ANKZF1: variants seen among roughly 807,000 people sequenced by gnomAD.
ANKZF1 encodes the protein tRNA endonuclease ANKZF1.
ANKZF1 carries 84 observed loss-of-function variants against 86.0 expected under a neutral mutation model. The observed-to-expected ratio is 0.98, with a 90% confidence interval of 0.82 to 1.17. ANKZF1 has a LOEUF of 1.17. ANKZF1 is among the 50% of genes most tolerant of loss of function. ANKZF1 has a pLI of 0.00. For synonymous variants in ANKZF1, 331 were observed against 354.2 expected (o/e 0.93, Z 0.74); for missense variants, 893 against 918.4 (o/e 0.97, Z 0.36).
In ANKZF1 at chr2:219,235,207, C is replaced by A; in HGVS notation, c.1586C>A (p.Ala529Asp). The A allele has an allele frequency of 3.1e-6, 5 of 1,613,968 alleles. No individual in the cohort carries two copies. The highest frequency in any genetic ancestry group is 4.2e-6 in the Non-Finnish European group (5 of 1,180,046). Residue 529 changes from alanine to aspartate, a missense_variant, in exon 10 of 14, where the codon GCC becomes GAC. Coordinates refer to ENST00000323348, the MANE Select transcript of ANKZF1 (RefSeq NM_018089.3). ...CCTAGAGTTCTGTCTCTGCTCAGTGCCCCCTTGGGCTCCGGTGGCTTTACT... is the reference window on the plus strand; with the variant it reads ...CCTAGAGTTCTGTCTCTGCTCAGTGACCCCTTGGGCTCCGGTGGCTTTACT... ...ADPRVLSLLS[A>D]PLGSGGFTLL...
chr2:219,234,248 AAAGG>A lies in ANKZF1; in HGVS notation c.1168_1171del (p.Glu390ArgfsTer23), dbSNP rs1329850306. 6.2e-7 allele frequency: 1 copy of A among 1,614,002 alleles called. No homozygotes were observed. The highest frequency in any genetic ancestry group is 8.5e-7 in the Non-Finnish European group (1 of 1,180,036). The stretch of plus-strand genomic sequence containing the variant: ...AAATAAGAAAGATCTGCAGGGATGA[AAAGG>A]AAGCGCTGGGGCAGAATGAGGAATC... On this transcript the variant is annotated frameshift_variant, in exon 9 of 14. Coordinates refer to ENST00000323348, the MANE Select transcript of ANKZF1 (RefSeq NM_018089.3). LOFTEE classifies it high-confidence loss of function.
intron 3 of ANKZF1, 102 bp downstream of exon 3, chr2:219,232,142 C>T (rs537405235): frequency 2.8e-6 from 4 of 1,410,396 alleles, no homozygotes; most frequent in Non-Finnish European, 3.9e-6. Context: ...CATGCTTTGA[C>T]TGAGGCAGTT....
At position 219,231,947 on chromosome 2, in the gene ANKZF1, C is replaced by G; in HGVS notation, c.168C>G (p.Ser56Arg). The G allele has an allele frequency of 6.2e-7, 1 of 1,613,858 alleles. No homozygotes were observed. The highest frequency in any genetic ancestry group is 8.5e-7 in the Non-Finnish European group (1 of 1,179,944). ...ATTTAGGCTCAGGGGAGAGAGAAAG[C>G]CCAGAAAGAAAGCTACTCCAGGGTC... is the stretch of plus-strand genomic sequence containing the variant. ...TSCSGSGERE[S>R]PERKLLQGPM... Residue 56 changes from serine to arginine, a missense_variant, in exon 3 of 14, where the codon AGC (serine) becomes AGG (arginine). Physicochemically the swap from Ser to Arg is moderately radical, Grantham distance 110. Transcript: ENST00000323348.
chr2:219,234,608 A>C (rs1388486837), intron 9 of ANKZF1: 1 of 686,698 alleles, frequency 1.5e-6, no homozygotes, highest in Non-Finnish European at 2.4e-6. Context: ...ATTGTGCGGC[A>C]CCCTAAGGCT....
rs763692863 is a variant in ANKZF1 at position 219,234,204 on chromosome 2, A to G, written c.1120A>G (p.Lys374Glu). The change falls in exon 9 of 14, where the codon AAG becomes GAG. Residue 374 changes from lysine (K) to glutamate (E), a missense_variant. Transcript: ENST00000323348. The stretch of plus-strand genomic sequence containing the variant: ...CTGGAAAACAGTAAGAGAGGAGAGA[A>G]AGAAGCCTACTGAGGAAGAAATAAG... Reference protein sequence around the residue: ...THWKTVREERKKPTEEEIRKI... With the variant: ...THWKTVREEREKPTEEEIRKI... 1 of 1,614,140 alleles carries G rather than the reference A, an allele frequency of 6.2e-7. No homozygotes were observed. Among genetic ancestry groups the G allele is most frequent in the African/African-American group, 1.3e-5 (1 of 75,060 alleles).
At position 219,236,448 on chromosome 2, in the gene ANKZF1, T is replaced by C. The variant is rs745929147; in HGVS notation, c.*3T>C. On this transcript the variant is annotated 3_prime_UTR_variant, in exon 14 of 14. Coordinates refer to ENST00000323348, the MANE Select transcript of ANKZF1 (RefSeq NM_018089.3). ...AGGCAGGGAGGCCCTCTTCCTGATC[T>C]CTTACAGCTCTACCTGGGGCCAACT... 1 of 1,587,774 alleles carries C rather than the reference T, an allele frequency of 6.3e-7. No individual in the cohort carries two copies. Among genetic ancestry groups the C allele is most frequent in the Non-Finnish European group, 8.6e-7 (1 of 1,165,768 alleles).
chr2:219,234,250 AG>A lies in ANKZF1; in HGVS notation c.1168del (p.Glu390LysfsTer24). 1 of 1,614,010 alleles carries A rather than the reference AG, an allele frequency of 6.2e-7. No individual in the cohort carries two copies. ...ATAAGAAAGATCTGCAGGGATGAAA[AG>A]GAAGCGCTGGGGCAGAATGAGGAAT... ...EEIRKICRDE[K>X]EALGQNEESP... On this transcript the variant is annotated frameshift_variant, in exon 9 of 14. Coordinates refer to ENST00000323348, the MANE Select transcript of ANKZF1 (RefSeq NM_018089.3). LOFTEE classifies it high-confidence loss of function.
intron 5 of ANKZF1, 100 bp downstream of exon 5, chr2:219,232,783 C>A: frequency 1.5e-6 from 2 of 1,321,274 alleles, no homozygotes; most frequent in South Asian, 1.4e-5. Context: ...CTCTTCCTTC[C>A]TGTTGGTTGT....
intron 2 of ANKZF1, 171 bp downstream of exon 2, chr2:219,230,576 C>G (rs938202094): frequency 1.2e-6 from 1 of 856,446 alleles, no homozygotes; most frequent in South Asian, 2.4e-5. Context: ...CCCTTGTTTT[C>G]AAACAAGTCT....
In ANKZF1 at chr2:219,232,676, C is replaced by G. The variant is rs1574847012; in HGVS notation, c.551C>G (p.Pro184Arg). Residue 184 changes from proline to arginine, a missense_variant, in exon 5 of 14, where the codon CCT becomes CGT. Pro to Arg is a moderately radical substitution (Grantham distance 103). Transcript: ENST00000323348. ...FLYAYRCVLG[P>R]HQDPPEEAEL... ...TATGCCTACCGCTGTGTCCTAGGCCCTCATCAGGCAAGTGACAGTACAGGT... is the reference window on the plus strand; with the variant it reads ...TATGCCTACCGCTGTGTCCTAGGCCGTCATCAGGCAAGTGACAGTACAGGT... The G allele has an allele frequency of 6.2e-7, 1 of 1,613,690 alleles. No individual in the cohort carries two copies. Among genetic ancestry groups the G allele is most frequent in the Non-Finnish European group, 8.5e-7 (1 of 1,179,900 alleles).
chr2:219,232,000 G>T lies in ANKZF1; in HGVS notation c.221G>T (p.Cys74Phe). 1 of 1,613,068 alleles carries T rather than the reference G, an allele frequency of 6.2e-7. No individual in the cohort carries two copies. The highest frequency in any genetic ancestry group is 8.5e-7 in the Non-Finnish European group (1 of 1,179,724). The change falls in exon 3 of 14, where the codon TGT (cysteine) becomes TTT (phenylalanine). Residue 74 changes from cysteine to phenylalanine, a missense_variant. Coordinates refer to ENST00000323348, the MANE Select transcript of ANKZF1 (RefSeq NM_018089.3). ...GPMDISEKLF[C>F]STCDQTFQNH... ...ATGGATATTTCAGAGAAGTTATTTTGTTCAACTTGTGACCAGACCTTCCAG... is the reference window on the plus strand; with the variant it reads ...ATGGATATTTCAGAGAAGTTATTTTTTTCAACTTGTGACCAGACCTTCCAG...
intron 9 of ANKZF1, 36 bp from the exon 10 acceptor site, chr2:219,234,790 C>T: frequency 6.3e-7 from 1 of 1,584,388 alleles, no homozygotes; most frequent in South Asian, 1.2e-5. Flanking sequence ...TCTGAGTACT[C>T]CCTAGATGGA....
Position 219,230,398 on chromosome 2 carries a change from C to T in ANKZF1, c.141C>T (p.Ser47=). 2 of 1,608,664 alleles carry T rather than the reference C, an allele frequency of 1.2e-6. No homozygotes were observed. The highest frequency in any genetic ancestry group is 1.7e-6 in the Non-Finnish European group (2 of 1,176,028). Residue 47 remains serine (S), a synonymous_variant, in exon 2 of 14, where the codon TCC becomes TCT. Coordinates refer to ENST00000323348, the MANE Select transcript of ANKZF1 (RefSeq NM_018089.3). ...CTCTGGCCCGGGCTCCGCGTACTTC[C>T]TGTTCAGGTATCCTGGAAGGTTTCG... is the stretch of plus-strand genomic sequence containing the variant. ...GEALARAPRT[S]CSGSGERESP... is the part of the protein sequence containing the mutation.
chr2:219,230,159 G>A, intron 1 of ANKZF1, 69 bp from the exon 2 acceptor site: 1 of 1,398,502 alleles, frequency 7.2e-7, no homozygotes, highest in Non-Finnish European at 9.7e-7. Context: ...ACCAAGTCAG[G>A]CAGGCAGGAG....
rs1199282995 is a variant in ANKZF1, at chr2:219,232,607, A to C, written c.482A>C (p.Tyr161Ser). ...AAGTTGAGCCGACCCCCAGGCTTTT[A>C]CCCTCATCGAGTTCTTTTCCAGAAT... Reference protein sequence around the residue: ...FEKLSRPPGFYPHRVLFQNAQ... With the variant: ...FEKLSRPPGFSPHRVLFQNAQ... Residue 161 changes from tyrosine (Y) to serine (S), a missense_variant, in exon 5 of 14, where the codon TAC becomes TCC. By Grantham distance (144) the Tyr-to-Ser change is moderately radical (BLOSUM62 -2). Transcript: ENST00000323348. 2 of 1,614,026 alleles carry C rather than the reference A, an allele frequency of 1.2e-6. No individual in the cohort carries two copies. Among genetic ancestry groups the C allele is most frequent in the Non-Finnish European group, 1.7e-6 (2 of 1,180,026 alleles).
Position 219,233,418 on chromosome 2 carries a change from A to C in ANKZF1, c.804A>C (p.Glu268Asp), listed in dbSNP as rs752552957. Reference protein sequence around the residue: ...SAGANLRRYNEATLYKDVRDL... With the variant: ...SAGANLRRYNDATLYKDVRDL... Reference sequence around the variant, plus strand: ...GAGCCAACCTGAGGCGCTACAATGAAGCCACACTATATAAGGTGAGTTAAG... The same window carrying C: ...GAGCCAACCTGAGGCGCTACAATGACGCCACACTATATAAGGTGAGTTAAG... The change falls in exon 7 of 14, where the codon GAA becomes GAC. Residue 268 changes from glutamate to aspartate, a missense_variant. Transcript: ENST00000323348. 1 of 1,613,186 alleles carries C rather than the reference A, an allele frequency of 6.2e-7. No homozygotes were observed. The highest frequency in any genetic ancestry group is 1.7e-5 in the Admixed American group (1 of 59,894).
At chr2:219,234,084 C>T (rs1323242223) in intron 8 of ANKZF1, 49 bp from the exon 9 acceptor site, 1 of 1,586,292 alleles carries the variant, frequency 6.3e-7, no homozygotes, top group Non-Finnish European at 8.5e-7. Context: ...GAAACCTGCG[C>T]TAGCTTCTCC....
chr2:219,235,737 G>C lies in ANKZF1; in HGVS notation c.1833G>C (p.Glu611Asp), dbSNP rs754029736. 15 of 1,614,168 alleles carry C rather than the reference G, an allele frequency of 9.3e-6. 1 individual carries two copies. The South Asian group carries it at 1.6e-4, about 18-fold the overall frequency. Residue 611 changes from glutamate to aspartate, a missense_variant, in exon 12 of 14, where the codon GAG becomes GAC. Physicochemically the swap from Glu to Asp is conservative, Grantham distance 45 (BLOSUM62 2). Transcript: ENST00000323348. Reference sequence around the variant, plus strand: ...CAGGACCATTGACACCAGAAATGGAGGCACGGCAGGCTACACGGAAAAGGG... The same window carrying C: ...CAGGACCATTGACACCAGAAATGGACGCACGGCAGGCTACACGGAAAAGGG... ...QVPGPLTPEM[E>D]ARQATRKREQ...
chr2:219,235,342 T>C, intron 10 of ANKZF1, 30 bp downstream of exon 10: 1 of 1,600,108 alleles, frequency 6.2e-7, no homozygotes, highest in Non-Finnish European at 8.5e-7. Flanking sequence ...CTGAGTCATT[T>C]TGGGTATAGA....
Sources: allele counts gnomAD v4.1 joint callset, GRCh38; gene constraint gnomAD v4.1.1; transcripts MANE v1.5; gene names NCBI Gene and HGNC (gene_info 2026-07-23, HGNC 2026-07-21).